Variants in ANKS1B observed in about 807,000 individuals in gnomAD.
ANKS1B encodes the protein ankyrin repeat and sterile alpha motif domain containing 1B.
In ANKS1B, 36 loss-of-function variants were observed where a neutral mutation model predicts 148.3. That is an observed-to-expected ratio of 0.24 (90% CI 0.19 to 0.32). The LOEUF (loss-of-function observed/expected upper bound fraction) is 0.32, where lower values mean the gene tolerates loss of function less well. ANKS1B is among the 10% of genes least tolerant of loss of function. The pLI is 1.00. For synonymous variants in ANKS1B, 542 were observed against 560.8 expected (o/e 0.97, Z 0.47); for missense variants, 1,157 against 1,542.6 (o/e 0.75, Z 4.19).
intron 1 of ANKS1B, among the ~76,000 whole-genome samples, chr12:99,917,756 C>T (rs984990762): frequency 2.6e-5 from 4 of 152,198 alleles, no homozygotes; most frequent in Non-Finnish European, 4.4e-5. Context: ...AAGCTGATGG[C>T]CAAAAGGCTC....
At chr12:98,736,803 C>T (rs1002211249) in intron 9 of ANKS1B, among the ~76,000 whole-genome samples, 1 of 152,154 alleles carries the variant, frequency 6.6e-6, no homozygotes, top group Admixed American at 6.5e-5. Flanking sequence ...GGCATGGGCC[C>T]CTTAACGTCT....
intron 14 of ANKS1B, among the ~76,000 whole-genome samples, chr12:99,162,358 A>C (rs2076739901): frequency 6.6e-6 from 1 of 152,150 alleles, no homozygotes; most frequent in South Asian, 2.1e-4. Flanking sequence ...TAGATTTAAA[A>C]TTATTGAATG....
At chr12:99,009,119 T>A (rs988479618) in intron 17 of ANKS1B, among the ~76,000 whole-genome samples, 1 of 152,198 alleles carries the variant, frequency 6.6e-6, no homozygotes, top group African/African-American at 2.4e-5. Flanking sequence ...GGAGGAATTA[T>A]GGAATCTACT....
intron 17 of ANKS1B, among the ~76,000 whole-genome samples, chr12:98,887,309 T>A (rs561176631): frequency 4.6e-5 from 7 of 152,070 alleles, no homozygotes; most frequent in Non-Finnish European, 1.0e-4. Flanking sequence ...GTTCCAAGGT[T>A]TTTTATCTAC....
intron 8 of ANKS1B, among the ~76,000 whole-genome samples, chr12:99,698,055 G>A (rs1464562365): frequency 6.6e-6 from 1 of 151,958 alleles, no homozygotes; most frequent in African/African-American, 2.4e-5. Context: ...AGAAGGTATA[G>A]GAAAGAGGTA....
chr12:98,853,376 C>G (rs529171461), intron 17 of ANKS1B, among the ~76,000 whole-genome samples: 20 of 152,242 alleles, frequency 1.3e-4, no homozygotes, highest in African/African-American at 3.8e-4. Context: ...CCTTGTTCTG[C>G]AAAGCCTCTG....
At chr12:99,030,899 T>C (rs2099951705) in intron 17 of ANKS1B, among the ~76,000 whole-genome samples, 1 of 152,172 alleles carries the variant, frequency 6.6e-6, no homozygotes, top group South Asian at 2.1e-4. Context: ...GATGAACATG[T>C]CTCTAACTTC....
chr12:99,193,057 G>T (rs187246239), intron 14 of ANKS1B, among the ~76,000 whole-genome samples: 2 of 151,998 alleles, frequency 1.3e-5, no homozygotes, highest in Non-Finnish European at 1.5e-5. Context: ...TCAAATTCTG[G>T]CATCTCTTCC....
intron 9 of ANKS1B, among the ~76,000 whole-genome samples, chr12:99,569,863 C>G (rs1417664126): frequency 6.6e-6 from 1 of 152,182 alleles, no homozygotes; most frequent in East Asian, 1.9e-4. Flanking sequence ...TATGACTTCC[C>G]TTCTAGAGGT....
chr12:99,411,963 G>A (rs1186719313), intron 11 of ANKS1B, among the ~76,000 whole-genome samples: 5 of 152,200 alleles, frequency 3.3e-5, no homozygotes, highest in Non-Finnish European at 5.9e-5. Flanking sequence ...GTCAGGCGCT[G>A]TTGTAGCCTC....
intron 8 of ANKS1B, among the ~76,000 whole-genome samples, chr12:99,762,061 T>C (rs2062177870): frequency 1.3e-5 from 2 of 151,702 alleles, no homozygotes; most frequent in Non-Finnish European, 2.9e-5. Flanking sequence ...TACAAAGAAA[T>C]GGAAAAACAT....
At chr12:99,305,767 C>T (rs2082257080) in intron 12 of ANKS1B, among the ~76,000 whole-genome samples, 1 of 152,080 alleles carries the variant, frequency 6.6e-6, no homozygotes, top group South Asian at 2.1e-4. Context: ...GGTAGGAAGG[C>T]ATCTTTAAAA....
chr12:98,843,269 GGAGT>G (rs1285517267), intron 17 of ANKS1B, among the ~76,000 whole-genome samples: 2 of 152,224 alleles, frequency 1.3e-5, no homozygotes, highest in African/African-American at 4.8e-5. Context: ...CATTCTCTCA[GGAGT>G]GAGTGAGTTC....
At chr12:98,816,099 C>G (rs2099137617) in intron 19 of ANKS1B, among the ~76,000 whole-genome samples, 1 of 152,082 alleles carries the variant, frequency 6.6e-6, no homozygotes, top group South Asian at 2.1e-4. Context: ...TGCCTCATAG[C>G]CTCTGCATTT....
At chr12:99,852,952 T>C (rs1298031689) in intron 1 of ANKS1B, among the ~76,000 whole-genome samples, 1 of 152,112 alleles carries the variant, frequency 6.6e-6, no homozygotes, top group Non-Finnish European at 1.5e-5. Flanking sequence ...CCAGCTTTCC[T>C]CCACTTCCCT....
intron 17 of ANKS1B, among the ~76,000 whole-genome samples, chr12:98,863,333 G>A (rs1264245302): frequency 6.6e-6 from 1 of 152,174 alleles, no homozygotes; most frequent in Non-Finnish European, 1.5e-5. Context: ...GACCTCTGCT[G>A]CTAACAGGCT....
At chr12:99,340,737 T>C in intron 12 of ANKS1B, among the ~76,000 whole-genome samples, 1 of 152,032 alleles carries the variant, frequency 6.6e-6, no homozygotes, top group Non-Finnish European at 1.5e-5. Flanking sequence ...ACAGTGGTCA[T>C]AAAATTAATA....
chr12:98,803,274 T>C lies in ANKS1B; in HGVS notation c.3142-2149A>G, dbSNP rs183541996. The stretch of plus-strand genomic sequence containing the variant: ...GCTGAGTGTAATAACCTTTAAGTGA[T>C]AATAGCTTAAAATTCTGGAAACATG... On this transcript the variant is annotated intron_variant, in intron 20 of 26. Coordinates refer to ENST00000683438, the MANE Select transcript of ANKS1B (RefSeq NM_001352186.2). Among the ~76,000 whole-genome samples, 30 of 152,330 alleles carry C rather than the reference T, an allele frequency of 2.0e-4. No individual in the cohort carries two copies. The East Asian group carries it at 5.4e-3, about 27-fold the overall frequency.
At chr12:99,798,429 A>AT (rs1272319575) in intron 4 of ANKS1B, among the ~76,000 whole-genome samples, 5 of 108,934 alleles carry the variant, frequency 4.6e-5, no homozygotes, top group African/African-American at 1.7e-4. Flanking sequence ...GAATTAAAAA[A>AT]AAAAAAAAAA....
Sources: gnomAD v4.1 joint callset for allele counts (sites outside exome capture counted in the v4.1 genomes callset) on GRCh38, gnomAD v4.1.1 for gene constraint, MANE v1.5 for transcripts, NCBI Gene and HGNC (gene_info 2026-07-23, HGNC 2026-07-21) for gene names.